The following CRTC1 variants were observed in gnomAD, a reference collection of about 807,000 sequenced individuals.
The protein encoded by CRTC1 is CREB regulated transcription coactivator 1.
In CRTC1, 18 loss-of-function variants were observed where a neutral mutation model predicts 66.1. That is an observed-to-expected ratio of 0.27 (90% CI 0.19 to 0.40). CRTC1 has a LOEUF of 0.40. CRTC1 is among the 10% of genes least tolerant of loss of function. CRTC1 has a pLI of 1.00. For missense variants in CRTC1, 669 were observed against 887.9 expected, an observed-to-expected ratio of 0.75 and a Z score of 3.13; for synonymous variants, 416 against 398.8, an observed-to-expected ratio of 1.04 and a Z score of -0.51.
At chr19:18,699,845 T>A (rs2053087254) in intron 1 of CRTC1, among the ~76,000 whole-genome samples, 5 of 152,084 alleles carry the variant, frequency 3.3e-5, no homozygotes, top group Admixed American at 2.0e-4. Context: ...TTGGCTGCCA[T>A]GTGGGGACAG....
chr19:18,726,314 C>T (rs894022347), intron 1 of CRTC1, among the ~76,000 whole-genome samples: 2 of 152,234 alleles, frequency 1.3e-5, no homozygotes, highest in African/African-American at 4.8e-5. Context: ...CTTCACCCCT[C>T]GGTCCCCGGG....
chr19:18,777,695 T>G lies in CRTC1; in HGVS notation c.*313T>G. On this transcript the variant is annotated 3_prime_UTR_variant, in exon 14 of 14. Coordinates refer to ENST00000321949, the MANE Select transcript of CRTC1 (RefSeq NM_015321.3). The surrounding 1 kb of genome is among the most constrained non-coding windows in gnomAD (Gnocchi z 5.5). ...GCCCCGGGGCCTGAGCCGTCCCCTGTAAGATGCGGGAAGTGTCAGCTCCCG... is the reference window on the plus strand; with the variant it reads ...GCCCCGGGGCCTGAGCCGTCCCCTGGAAGATGCGGGAAGTGTCAGCTCCCG... 1 of 388,732 alleles carries G rather than the reference T, an allele frequency of 2.6e-6. No homozygotes were observed. Among genetic ancestry groups the G allele is most frequent in the Non-Finnish European group, 4.7e-6 (1 of 213,542 alleles). The allele number at this position is 388,732 out of a possible 1,614,324, so 24.1% of individuals were successfully genotyped here. A position where few individuals can be genotyped will look rare whatever the true frequency, so the allele number is the denominator to read the frequency against.
intron 1 of CRTC1, among the ~76,000 whole-genome samples, chr19:18,721,262 C>T (rs543969225): frequency 1.0e-4 from 15 of 148,330 alleles, no homozygotes; most frequent in African/African-American, 3.7e-4. Context: ...GGCGCGATCT[C>T]GGCTCACTGC....
chr19:18,711,537 T>A (rs2053392015), intron 1 of CRTC1, among the ~76,000 whole-genome samples: 1 of 152,124 alleles, frequency 6.6e-6, no homozygotes, highest in African/African-American at 2.4e-5. Context: ...TTTGCATTTT[T>A]AAAAAAATGC....
At chr19:18,765,782 G>GA (rs1394440710) in intron 9 of CRTC1, among the ~76,000 whole-genome samples, 3 of 152,086 alleles carry the variant, frequency 2.0e-5, no homozygotes, top group Admixed American at 2.0e-4. Flanking sequence ...CCAACATGGT[G>GA]AAACCTCGTC....
chr19:18,718,768 C>G (rs968805640), intron 1 of CRTC1, among the ~76,000 whole-genome samples: 1 of 152,136 alleles, frequency 6.6e-6, no homozygotes, highest in African/African-American at 2.4e-5. Flanking sequence ...GGTACACACA[C>G]TCATGTATGA....
intron 2 of CRTC1, among the ~76,000 whole-genome samples, chr19:18,745,442 GGA>G (rs2054209904): frequency 6.6e-6 from 1 of 152,218 alleles, no homozygotes; most frequent in Non-Finnish European, 1.5e-5. Context: ...GTCCAGGCCC[GGA>G]GAGAGAGGGC....
intron 4 of CRTC1, among the ~76,000 whole-genome samples, chr19:18,749,381 A>G (rs2054314414): frequency 6.6e-6 from 1 of 152,024 alleles, no homozygotes; most frequent in Non-Finnish European, 1.5e-5. Context: ...CTCATACCCC[A>G]AGGCTGGGCA....
chr19:18,762,750 G>A (rs1400523948), intron 8 of CRTC1, among the ~76,000 whole-genome samples: 1 of 152,234 alleles, frequency 6.6e-6, no homozygotes, highest in African/African-American at 2.4e-5. Context: ...GTTGCCAAAA[G>A]GAATTCAACA....
intron 11 of CRTC1, among the ~76,000 whole-genome samples, chr19:18,772,034 G>A (rs1219879218): frequency 6.6e-6 from 1 of 152,172 alleles, no homozygotes; most frequent in Non-Finnish European, 1.5e-5. Context: ...GGCCCAGGAG[G>A]CTTCTCTGAG....
At position 18,693,642 on chromosome 19, in the gene CRTC1, C is replaced by T. The variant is rs144287608; in HGVS notation, c.126+9814C>T. Among the ~76,000 whole-genome samples, 815 of 151,708 alleles carry T rather than the reference C, an allele frequency of 5.4e-3. 1 individual carries two copies. Among genetic ancestry groups the T allele is most frequent in the Non-Finnish European group, 8.0e-3 (542 of 67,952 alleles). On this transcript the variant is annotated intron_variant, in intron 1 of 13. Transcript: ENST00000321949. ...GGCTACAGGCGTCCACCACCATGCC[C>T]GGCTACTTTTTTTTGTATTTTTAGT...
intron 5 of CRTC1, among the ~76,000 whole-genome samples, chr19:18,750,692 G>A (rs992709048): frequency 6.6e-6 from 1 of 152,202 alleles, no homozygotes; most frequent in Non-Finnish European, 1.5e-5. Flanking sequence ...AACACGCAAG[G>A]GAGATTCTGC....
intron 9 of CRTC1, among the ~76,000 whole-genome samples, chr19:18,767,206 AT>A (rs924912584): frequency 7.5e-4 from 112 of 150,000 alleles, no homozygotes; most frequent in Non-Finnish European, 1.2e-3. Flanking sequence ...TTTTAATTTA[AT>A]TTTTTTTTTG....
chr19:18,731,900 A>ACCC (rs1200304133), intron 1 of CRTC1, among the ~76,000 whole-genome samples: 1 of 151,850 alleles, frequency 6.6e-6, no homozygotes, highest in Admixed American at 6.6e-5. Flanking sequence ...CGACCCAGGA[A>ACCC]CCCCCTCTCC....
intron 1 of CRTC1, among the ~76,000 whole-genome samples, chr19:18,720,984 G>T (rs1345420721): frequency 6.6e-6 from 1 of 152,116 alleles, no homozygotes; most frequent in Non-Finnish European, 1.5e-5. Context: ...AATGTATTCA[G>T]TGCAGGTGTC....
chr19:18,715,213 C>T (rs1308952247), intron 1 of CRTC1, among the ~76,000 whole-genome samples: 1 of 152,190 alleles, frequency 6.6e-6, no homozygotes, highest in African/African-American at 2.4e-5. Flanking sequence ...GTGTCTGCAT[C>T]TCTTTCCCCT....
intron 3 of CRTC1, among the ~76,000 whole-genome samples, 157 bp from the exon 4 acceptor site, chr19:18,746,896 A>T (rs2054251503): frequency 6.6e-6 from 1 of 152,112 alleles, no homozygotes; most frequent in African/African-American, 2.4e-5. Flanking sequence ...CAGGCAGGAA[A>T]GGCCGGCAGG....
At chr19:18,724,390 GC>G (rs1008886720) in intron 1 of CRTC1, among the ~76,000 whole-genome samples, 1 of 152,124 alleles carries the variant, frequency 6.6e-6, no homozygotes, top group African/African-American at 2.4e-5. Context: ...TCTCAGCCCT[GC>G]CCTGGAAGGG....
In CRTC1 at chr19:18,753,431, C is replaced by T. The variant is rs571740767; in HGVS notation, c.539-69C>T. 6.9e-6 allele frequency: 8 copies of T among 1,164,792 alleles called. No homozygotes were observed. The African/African-American group carries it at 1.2e-4, about 18-fold the overall frequency. 72.2% of individuals were successfully genotyped at this position (1,164,792 alleles called of 1,614,324 possible). On this transcript the variant is annotated intron_variant, in intron 5 of 13. Coordinates refer to ENST00000321949, the MANE Select transcript of CRTC1 (RefSeq NM_015321.3). ...CTCCGTGTGTCAGGGACGTGTCCTCCTGGTACCACCATGCGGCTGCAAAGA... is the reference window on the plus strand; with the variant it reads ...CTCCGTGTGTCAGGGACGTGTCCTCTTGGTACCACCATGCGGCTGCAAAGA...
Sources: gnomAD v4.1 joint callset for allele counts (sites outside exome capture counted in the v4.1 genomes callset) on GRCh38, gnomAD v4.1.1 for gene constraint, Gnocchi (gnomAD v3.1) non-coding constraint, MANE v1.5 for transcripts, NCBI Gene and HGNC (gene_info 2026-07-23, HGNC 2026-07-21) for gene names.